The following AGR3 variants were observed in gnomAD, a reference collection of about 807,000 sequenced individuals.
The protein encoded by AGR3 is anterior gradient protein 3.
In AGR3, 37 loss-of-function variants were observed where a neutral mutation model predicts 24.5. The ratio of observed to expected loss-of-function variants is 1.51; its 90% CI spans 1.16 to 1.99. The LOEUF (loss-of-function observed/expected upper bound fraction) is 1.99, where lower values mean the gene tolerates loss of function less well. Among genes scored for constraint, AGR3 ranks in the 30% most tolerant of loss-of-function variants. The probability of loss-of-function intolerance (pLI) is 0.00; values close to 1 mark genes in which losing one functional copy is unlikely to be tolerated. For missense variants in AGR3, 228 were observed against 191.1 expected, an observed-to-expected ratio of 1.19 and a Z score of -1.14; for synonymous variants, 75 against 61.6, an observed-to-expected ratio of 1.22 and a Z score of -1.02.
chr7:16,871,554 A>C (rs1297941037), intron 3 of AGR3, among the ~76,000 whole-genome samples: 1 of 152,160 alleles, frequency 6.6e-6, no homozygotes, highest in Non-Finnish European at 1.5e-5. Flanking sequence ...TACAATAACC[A>C]CAAAAAGGCC....
At chr7:16,859,780 G>T in intron 7 of AGR3, 149 bp from the exon 8 acceptor site, 1 of 531,446 alleles carries the variant, frequency 1.9e-6, no homozygotes, top group South Asian at 2.8e-5. Context: ...TATGCTAAAA[G>T]TGTACATGTA....
intron 3 of AGR3, among the ~76,000 whole-genome samples, chr7:16,867,449 G>T (rs919028476): frequency 2.6e-5 from 4 of 152,102 alleles, no homozygotes; most frequent in Admixed American, 6.6e-5. Context: ...ATATGGATAT[G>T]TTGTACAGTG....
downstream of AGR3, among the ~76,000 whole-genome samples, chr7:16,856,982 T>TG (rs1215140314): frequency 3.3e-5 from 5 of 151,706 alleles, no homozygotes; most frequent in South Asian, 1.0e-3. Context: ...AAAGGTTTTT[T>TG]TTTTTTTTTT....
chr7:16,865,068 G>A lies in AGR3; in HGVS notation c.174-2406C>T, dbSNP rs2115303012. ...ATGAGAGGGCAACCAAGATGAGTCT[G>A]ATTCTGTTAAAGATGCTCTTTTACT... On this transcript the variant is annotated intron_variant, in intron 3 of 7. Transcript: ENST00000310398. The A allele has an allele frequency of 1.2e-5, 9 of 782,144 alleles. No individual in the cohort carries two copies. The South Asian group carries it at 1.2e-4, about 11-fold the overall frequency. The allele number at this position is 782,144 out of a possible 1,614,324, so 48.5% of individuals were successfully genotyped here.
At chr7:16,859,213 CAT>C (rs1458235191), downstream of AGR3, among the ~76,000 whole-genome samples, 1 of 146,650 alleles carries the variant, frequency 6.8e-6, no homozygotes, top group East Asian at 2.0e-4. Flanking sequence ...GCCTGGGCAA[CAT>C]AGTGAGACTG....
At chr7:16,855,939 C>G (rs1405113530), downstream of AGR3, among the ~76,000 whole-genome samples, 1 of 152,114 alleles carries the variant, frequency 6.6e-6, no homozygotes, top group African/African-American at 2.4e-5. Context: ...TCTTCATCCC[C>G]TATAATATAC....
chr7:16,861,469 A>G lies in AGR3; in HGVS notation c.304-22T>C, dbSNP rs769214923. 1.5e-5 allele frequency: 23 copies of G among 1,585,816 alleles called. No homozygotes were observed. The African/African-American group carries it at 2.7e-4, about 19-fold the overall frequency. On this transcript the variant is annotated intron_variant, in intron 5 of 7. Transcript: ENST00000310398. ...CATGCTAGCAGGAGAAGAAAAAAAAAGAATGTTATTGGATTCATTTGTTTT... is the reference window on the plus strand; with the variant it reads ...CATGCTAGCAGGAGAAGAAAAAAAAGGAATGTTATTGGATTCATTTGTTTT...
At chr7:16,875,939 G>A (rs1781979112) in intron 2 of AGR3, among the ~76,000 whole-genome samples, 1 of 152,092 alleles carries the variant, frequency 6.6e-6, no homozygotes, top group African/African-American at 2.4e-5. Context: ...AGTGAGACGA[G>A]GCCTCTGCTG....
In AGR3 at chr7:16,881,579, A is replaced by C. The variant is rs148097983; in HGVS notation, c.-28+365T>G. Reference sequence around the variant, plus strand: ...ATAAACATTGGTCAATTAGCATTTTATGACATTAGTATTTTATTTTTCAAA... The same window carrying C: ...ATAAACATTGGTCAATTAGCATTTTCTGACATTAGTATTTTATTTTTCAAA... On this transcript the variant is annotated intron_variant, in intron 1 of 7. Coordinates refer to ENST00000310398, the MANE Select transcript of AGR3 (RefSeq NM_176813.5). 4.1e-3 allele frequency among the ~76,000 whole-genome samples: 632 copies of C among 152,362 alleles called. 6 individuals are homozygous for C. The highest frequency in any genetic ancestry group is 0.015 in the African/African-American group (613 of 41,576).
Position 16,861,452 on chromosome 7 carries a change from C to G in AGR3, c.304-5G>C. On this transcript the variant is annotated splice_region_variant and splice_polypyrimidine_tract_variant and intron_variant, in intron 5 of 7. Coordinates refer to ENST00000310398, the MANE Select transcript of AGR3 (RefSeq NM_176813.5). ...ATTCTTATCAGTGGTTTCATGCTAG[C>G]AGGAGAAGAAAAAAAAAGAATGTTA... 1 of 1,601,264 alleles carries G rather than the reference C, an allele frequency of 6.2e-7. No individual in the cohort carries two copies. The highest frequency in any genetic ancestry group is 1.1e-5 in the South Asian group (1 of 88,582).
At chr7:16,865,503 C>T (rs1424865209) in intron 3 of AGR3, 2 of 714,458 alleles carry the variant, frequency 2.8e-6, no homozygotes, top group African/African-American at 1.8e-5. Flanking sequence ...GAACAAGAAA[C>T]TTTGATTATT....
intron 3 of AGR3, among the ~76,000 whole-genome samples, chr7:16,867,820 A>G (rs1781787585): frequency 6.6e-6 from 1 of 152,186 alleles, no homozygotes; most frequent in South Asian, 2.1e-4. Context: ...ATGACAGTGA[A>G]CATGGGAGTG....
rs1289182916 is a variant in AGR3 at position 16,860,508 on chromosome 7, A to G, written c.443T>C (p.Leu148Ser). The change falls in exon 7 of 8, where the codon TTA becomes TCA. Residue 148 changes from leucine to serine, a missense_variant. Physicochemically the swap from Leu to Ser is moderately radical, Grantham distance 145 (BLOSUM62 -2). Transcript: ENST00000310398. ...CATTTGTGAATACTTACATAGGGGT[A>G]AATCCCGAGGCTCATATGTGTACAA... is the stretch of plus-strand genomic sequence containing the variant. ...NRLYTYEPRD[L>S]PLLIENMKKA... 2.5e-6 allele frequency: 4 copies of G among 1,611,870 alleles called. No individual in the cohort carries two copies. The South Asian group carries it at 4.4e-5, about 18-fold the overall frequency.
downstream of AGR3, among the ~76,000 whole-genome samples, chr7:16,856,616 G>A (rs1190586803): frequency 3.9e-5 from 6 of 152,078 alleles, no homozygotes; most frequent in Admixed American, 2.6e-4. Flanking sequence ...TTTTTTGACT[G>A]TTATCTCTTT....
chr7:16,878,866 C>T (rs115069079), intron 1 of AGR3, among the ~76,000 whole-genome samples: 1,779 of 152,268 alleles, frequency 0.012, 34 homozygotes, highest in African/African-American at 0.041. Context: ...TGTTCTGAGC[C>T]TCCTGGGCAT....
intron 3 of AGR3, among the ~76,000 whole-genome samples, chr7:16,868,766 C>T (rs950790862): frequency 4.6e-5 from 7 of 151,954 alleles, no homozygotes; most frequent in African/African-American, 7.3e-5. Context: ...TTTTAAATAC[C>T]GCTTTAATTT....
intron 5 of AGR3, among the ~76,000 whole-genome samples, 174 bp downstream of exon 5, chr7:16,861,810 A>G (rs1288320537): frequency 6.6e-6 from 1 of 151,444 alleles, no homozygotes; most frequent in African/African-American, 2.4e-5. Context: ...CTGAGACAGG[A>G]GAACTGCTTG....
At chr7:16,881,336 A>G (rs1782112882) in intron 1 of AGR3, among the ~76,000 whole-genome samples, 1 of 152,216 alleles carries the variant, frequency 6.6e-6, no homozygotes, top group Non-Finnish European at 1.5e-5. Context: ...GATATTAAAT[A>G]TATTCTGTGA....
chr7:16,864,877 C>T lies in AGR3; in HGVS notation c.174-2215G>A. The T allele has an allele frequency of 1.4e-5, 12 of 872,584 alleles. No homozygotes were observed. In the South Asian group the frequency reaches 1.4e-4, roughly 10 times the overall value. 54.1% of individuals were successfully genotyped at this position (872,584 alleles called of 1,614,324 possible). A position where few individuals can be genotyped will look rare whatever the true frequency, so the allele number is the denominator to read the frequency against. On this transcript the variant is annotated intron_variant, in intron 3 of 7. Coordinates refer to ENST00000310398, the MANE Select transcript of AGR3 (RefSeq NM_176813.5). ...TGTATTCCAGTCACCACTGAGGATA[C>T]CTGCAAAACTTAGAAATTCACTGGC...
Sources: allele counts gnomAD v4.1 joint callset (sites outside exome capture counted in the v4.1 genomes callset), GRCh38; gene constraint gnomAD v4.1.1; transcripts MANE v1.5; gene names NCBI Gene and HGNC (gene_info 2026-07-23, HGNC 2026-07-21).